Variants in ABCC4 observed in about 807,000 individuals in gnomAD.
ABCC4 encodes the protein ATP-binding cassette sub-family C member 4.
A neutral mutation model predicts 168.5 loss-of-function variants in ABCC4; 102 were observed. The observed-to-expected ratio is 0.61, with a 90% CI of 0.52 to 0.71. The LOEUF is 0.71. Among genes scored for constraint, ABCC4 ranks in the 30% least tolerant of loss-of-function variants. The pLI is 0.00. For synonymous variants in ABCC4, 617 were observed against 590.7 expected (o/e 1.04, Z -0.65); for missense variants, 1,402 against 1,605.8 (o/e 0.87, Z 2.17).
Position 95,207,064 on chromosome 13 carries a change from T to C in ABCC4, c.912-283A>G, listed in dbSNP as rs184361805. Among the ~76,000 whole-genome samples, 31 of 152,346 alleles carry C rather than the reference T, an allele frequency of 2.0e-4. No individual in the cohort carries two copies. In the East Asian group the frequency reaches 6.0e-3, roughly 29 times the overall value. ...CATATTTTGTTTTTTGAGACAGAGT[T>C]TCACTCTTGTCGCCCAGGCAATGGT... On this transcript the variant is annotated intron_variant, in intron 7 of 30. Transcript: ENST00000645237.
chr13:95,042,018 G>A (rs908999202), intron 29 of ABCC4, among the ~76,000 whole-genome samples: 11 of 152,172 alleles, frequency 7.2e-5, no homozygotes, highest in Non-Finnish European at 1.0e-4. Context: ...TGATGACCTC[G>A]TGGCCAGGGA....
intron 20 of ABCC4, among the ~76,000 whole-genome samples, chr13:95,105,124 T>C (rs1378133509): frequency 2.0e-5 from 3 of 151,772 alleles, no homozygotes; most frequent in Non-Finnish European, 4.4e-5. Context: ...TGGGAGACAA[T>C]GACAGATGAT....
intron 8 of ABCC4, among the ~76,000 whole-genome samples, chr13:95,204,072 C>T (rs779281451): frequency 6.6e-5 from 10 of 152,074 alleles, no homozygotes; most frequent in Non-Finnish European, 1.5e-4. Flanking sequence ...GAGACCTGGC[C>T]GGAGGGCTTA....
chr13:95,073,037 T>TATAC (rs1298021414), intron 24 of ABCC4, among the ~76,000 whole-genome samples, 167 bp downstream of exon 24: 20 of 152,144 alleles, frequency 1.3e-4, no homozygotes, highest in Admixed American at 1.3e-3. Context: ...AAAAGATGTA[T>TATAC]ATATTTTATT....
chr13:95,049,195 A>T (rs1277524581), intron 27 of ABCC4, among the ~76,000 whole-genome samples: 6 of 151,858 alleles, frequency 4.0e-5, no homozygotes. Context: ...TTAGCCAGGC[A>T]TGGTGGGGCT....
chr13:95,099,620 G>A (rs893088380), intron 20 of ABCC4, among the ~76,000 whole-genome samples: 5 of 152,146 alleles, frequency 3.3e-5, no homozygotes, highest in Admixed American at 6.5e-5. Flanking sequence ...ATCTCCTCAG[G>A]TGCATTGAGG....
intron 20 of ABCC4, among the ~76,000 whole-genome samples, chr13:95,087,032 T>C (rs1167118374): frequency 1.4e-5 from 2 of 145,786 alleles, no homozygotes; most frequent in Non-Finnish European, 3.0e-5. Flanking sequence ...AGAAGACAAA[T>C]CTTAGGTGTA....
chr13:95,123,468 T>A (rs2139430554), intron 19 of ABCC4, among the ~76,000 whole-genome samples: 1 of 152,188 alleles, frequency 6.6e-6, no homozygotes, highest in Middle Eastern at 3.4e-3. Context: ...ATCCAAGCAA[T>A]TCTCCCGCTC....
intron 13 of ABCC4, 56 bp from the exon 14 acceptor site, chr13:95,170,684 G>A: frequency 9.6e-7 from 1 of 1,042,212 alleles, no homozygotes. Context: ...GCTCCACATT[G>A]AAAAACATAC....
At chr13:95,217,690 C>A (rs560726236) in intron 4 of ABCC4, among the ~76,000 whole-genome samples, 22 of 66,998 alleles carry the variant, frequency 3.3e-4, no homozygotes, top group Non-Finnish European at 9.7e-4. Context: ...GCCAAGATTG[C>A]GCCACTCCAG....
Position 95,079,167 on chromosome 13 carries a change from C to T in ABCC4, c.2687-3616G>A, listed in dbSNP as rs192120802. On this transcript the variant is annotated intron_variant, in intron 21 of 30. Transcript: ENST00000645237. ...GGTCTGCAAAGACAACTAACTAGTA[C>T]CGAGGGAGAGCGTATGTCAAGCCTC... Among the ~76,000 whole-genome samples, 857 of 152,244 alleles carry T rather than the reference C, an allele frequency of 5.6e-3. 5 individuals carry two copies. Among genetic ancestry groups the T allele is most frequent in the Middle Eastern group, 0.01 (3 of 294 alleles).
intron 9 of ABCC4, 54 bp from the exon 10 acceptor site, chr13:95,188,596 C>T (rs2038147143): frequency 1.4e-6 from 2 of 1,420,152 alleles, no homozygotes; most frequent in African/African-American, 2.9e-5. Flanking sequence ...ACACAAATCA[C>T]TTCAAAAAGA....
At chr13:95,042,616 G>T (rs1021532490) in intron 29 of ABCC4, among the ~76,000 whole-genome samples, 1 of 152,146 alleles carries the variant, frequency 6.6e-6, no homozygotes, top group African/African-American at 2.4e-5. Context: ...CTACCTAGAG[G>T]GACTGGTATA....
chr13:95,143,755 T>C (rs931186348), intron 19 of ABCC4, among the ~76,000 whole-genome samples: 2 of 152,088 alleles, frequency 1.3e-5, no homozygotes, highest in African/African-American at 4.8e-5. Flanking sequence ...TTATAAAAAC[T>C]TGATTTAGAA....
chr13:95,246,506 G>A (rs1263907768), intron 3 of ABCC4, among the ~76,000 whole-genome samples: 1 of 152,174 alleles, frequency 6.6e-6, no homozygotes, highest in East Asian at 1.9e-4. Context: ...ATCAGATTTG[G>A]CTTGGTGAAC....
intron 20 of ABCC4, among the ~76,000 whole-genome samples, chr13:95,096,516 G>T (rs2034603043): frequency 6.6e-6 from 1 of 152,098 alleles, no homozygotes; most frequent in South Asian, 2.1e-4. Context: ...AACACATATA[G>T]TCAAACAGCA....
intron 19 of ABCC4, among the ~76,000 whole-genome samples, chr13:95,155,485 A>C (rs1247168677): frequency 6.6e-6 from 1 of 152,220 alleles, no homozygotes; most frequent in Non-Finnish European, 1.5e-5. Flanking sequence ...GGATTAAAAA[A>C]AAGAAACATG....
chr13:95,109,574 T>C (rs980911253), intron 20 of ABCC4, among the ~76,000 whole-genome samples: 1 of 152,234 alleles, frequency 6.6e-6, no homozygotes, highest in Non-Finnish European at 1.5e-5. Flanking sequence ...TAGATATTTA[T>C]TCTAACATAT....
At chr13:95,297,070 AG>A (rs2041553252) in intron 1 of ABCC4, among the ~76,000 whole-genome samples, 1 of 152,114 alleles carries the variant, frequency 6.6e-6, no homozygotes, top group South Asian at 2.1e-4. Context: ...CAGGAGTTCG[AG>A]ACCAGCCTGG....
Sources: allele counts gnomAD v4.1 joint callset (sites outside exome capture counted in the v4.1 genomes callset), GRCh38; gene constraint gnomAD v4.1.1; transcripts MANE v1.5; gene names NCBI Gene and HGNC (gene_info 2026-07-23, HGNC 2026-07-21).